The following RGPD1 variants were observed in gnomAD, a reference collection of about 807,000 sequenced individuals.
The protein encoded by RGPD1 is RANBP2-like and GRIP domain-containing protein 1.
RGPD1 carries 7 observed loss-of-function variants against 40.6 expected under a neutral mutation model. The observed-to-expected ratio is 0.17, with a 90% CI of 0.10 to 0.32. The LOEUF is 0.32. RGPD1 is among the 10% of genes least tolerant of loss of function. The pLI, the probability that RGPD1 is intolerant of heterozygous loss-of-function variation, is 1.00. For synonymous variants in RGPD1, 24 were observed against 167.0 expected, an observed-to-expected ratio of 0.14 and a Z score of 6.60; for missense variants, 50 against 472.5, an observed-to-expected ratio of 0.11 and a Z score of 8.29.
At chr2:87,000,124 TC>T (rs1167144535) in intron 22 of RGPD1, among the ~76,000 whole-genome samples, 1 of 115,668 alleles carries the variant, frequency 8.6e-6, no homozygotes, top group Non-Finnish European at 1.7e-5. Context: ...AAAGAAGAAA[TC>T]TACTTCTAGT....
intron 1 of RGPD1, chr2:86,930,788 T>C: frequency 8.9e-7 from 1 of 1,121,774 alleles, no homozygotes; most frequent in Non-Finnish European, 1.2e-6. Context: ...GACCACAGCC[T>C]CCTCTACCGC....
At chr2:86,918,366 G>GA (rs886179696) in intron 1 of RGPD1, among the ~76,000 whole-genome samples, 6 of 142,356 alleles carry the variant, frequency 4.2e-5, no homozygotes, top group South Asian at 2.3e-4. Flanking sequence ...GGGTCACTCT[G>GA]AAAAAAAATC....
chr2:86,923,538 G>T (rs1479221259), intron 1 of RGPD1, among the ~76,000 whole-genome samples: 1 of 150,616 alleles, frequency 6.6e-6, no homozygotes, highest in African/African-American at 2.4e-5. Flanking sequence ...TTTTGAGACG[G>T]AGTCTCGCCT....
intron 1 of RGPD1, among the ~76,000 whole-genome samples, chr2:86,944,014 AAAAC>A (rs1485836618): frequency 2.0e-5 from 3 of 151,792 alleles, no homozygotes; most frequent in South Asian, 2.1e-4. Flanking sequence ...ACTCCAAAAA[AAAAC>A]AAAAAAAAAC....
In RGPD1 at chr2:86,964,165, C is replaced by T. The variant is rs1395381747; in HGVS notation, c.975+941C>T. Among the ~76,000 whole-genome samples, 2 of 108,016 alleles carry T rather than the reference C, an allele frequency of 1.9e-5. 1 individual carries two copies. Among genetic ancestry groups the T allele is most frequent in the Non-Finnish European group, 3.7e-5 (2 of 54,300 alleles). 70.9% of individuals were successfully genotyped at this position (108,016 alleles called of 152,430 possible). A position where few individuals can be genotyped will look rare whatever the true frequency, so the allele number is the denominator to read the frequency against. On this transcript the variant is annotated intron_variant, in intron 7 of 22. Transcript: ENST00000641458. ...TCACACCATTTTCCTGCCTCAGCCT[C>T]CCGAGTAGCTGGAACTACAAGCGCC...
chr2:86,931,521 G>A (rs940625651), intron 1 of RGPD1, among the ~76,000 whole-genome samples: 68 of 151,776 alleles, frequency 4.5e-4, no homozygotes, highest in Admixed American at 4.6e-4. Flanking sequence ...GTCATTAAGT[G>A]ACTAACAATA....
chr2:86,960,658 C>G (rs1484399801), intron 6 of RGPD1, among the ~76,000 whole-genome samples: 4 of 120,744 alleles, frequency 3.3e-5, no homozygotes, highest in Non-Finnish European at 6.5e-5. Context: ...GGTGCCATCT[C>G]GGCTCACTGC....
rs546861165 is a variant in RGPD1 at position 86,945,160 on chromosome 2, G to A, written c.72+2852G>A. On this transcript the variant is annotated intron_variant, in intron 1 of 22. Transcript: ENST00000641458. ...TAGAATGTTCTTTCAACTACATAAC[G>A]TCTCCATTAAATAAAGTGGAGTGGT... is the stretch of plus-strand genomic sequence containing the variant. Among the ~76,000 whole-genome samples the A allele has an allele frequency of 2.0e-4, 30 of 151,954 alleles. No homozygotes were observed. The South Asian group carries it at 5.4e-3, about 27-fold the overall frequency.
intron 1 of RGPD1, among the ~76,000 whole-genome samples, chr2:86,929,227 A>G (rs1678723726): frequency 6.9e-6 from 1 of 145,622 alleles, no homozygotes; most frequent in African/African-American, 2.6e-5. Flanking sequence ...TAGACATTTT[A>G]GGTTTATGAC....
At chr2:86,943,586 C>A (rs925429730) in intron 1 of RGPD1, among the ~76,000 whole-genome samples, 2 of 152,110 alleles carry the variant, frequency 1.3e-5, no homozygotes, top group Admixed American at 1.3e-4. Flanking sequence ...GGGCCAGTTA[C>A]ACTTTTCATC....
At chr2:86,943,992 C>T (rs1231047618) in intron 1 of RGPD1, among the ~76,000 whole-genome samples, 2 of 150,454 alleles carry the variant, frequency 1.3e-5, no homozygotes, top group Non-Finnish European at 1.5e-5. Context: ...CCAGCCTGGG[C>T]GACAGAGGGA....
chr2:86,935,697 TA>T (rs1339919495), intron 1 of RGPD1, among the ~76,000 whole-genome samples: 1 of 125,714 alleles, frequency 8.0e-6, no homozygotes, highest in East Asian at 2.6e-4. Context: ...CTAGCTTAGA[TA>T]CCCAAGAGAG....
At chr2:87,007,667 C>T (rs1329583654) in intron 22 of RGPD1, among the ~76,000 whole-genome samples, 2 of 152,300 alleles carry the variant, frequency 1.3e-5, no homozygotes, top group African/African-American at 4.8e-5. Context: ...TGAGCCACCA[C>T]TCACAGCTCG....
intron 1 of RGPD1, among the ~76,000 whole-genome samples, chr2:86,924,447 G>T (rs2104679252): frequency 6.6e-6 from 1 of 150,552 alleles, no homozygotes; most frequent in South Asian, 2.1e-4. Flanking sequence ...GAGCCACCAT[G>T]CCCGGCCCGT....
chr2:86,942,348 C>CG (rs1679867286), intron 1 of RGPD1, 40 bp downstream of exon 1: 1 of 838,762 alleles, frequency 1.2e-6, no homozygotes, highest in Non-Finnish European at 1.5e-6. Flanking sequence ...TCGACCTGGC[C>CG]GGGCGGCGGC....
chr2:87,009,060 A>G (rs1397695529), intron 22 of RGPD1, among the ~76,000 whole-genome samples: 1 of 148,840 alleles, frequency 6.7e-6, no homozygotes, highest in Non-Finnish European at 1.5e-5. Flanking sequence ...AATGCCAGCA[A>G]TTTGGGAGGC....
intron 1 of RGPD1, among the ~76,000 whole-genome samples, chr2:86,914,940 G>A (rs1677719611): frequency 7.2e-6 from 1 of 138,744 alleles, no homozygotes; most frequent in Non-Finnish European, 1.6e-5. Context: ...GCCGGGCGGC[G>A]GCGGCGGCGG....
At chr2:86,915,332 ATAACTTT>A (rs1677742882) in intron 1 of RGPD1, among the ~76,000 whole-genome samples, 2 of 150,644 alleles carry the variant, frequency 1.3e-5, no homozygotes, top group African/African-American at 2.4e-5. Context: ...GTAGACAAGA[ATAACTTT>A]TTCATTTTAG....
chr2:86,942,560 C>CCTGGCCGGGCGGCGGCG (rs1341486811), intron 1 of RGPD1, among the ~76,000 whole-genome samples: 1 of 129,538 alleles, frequency 7.7e-6, no homozygotes, highest in Non-Finnish European at 1.7e-5. Flanking sequence ...GCGGCCTCGA[C>CCTGGCCGGGCGGCGGCG]GTGGCCCGGC....
Sources: gnomAD v4.1 joint callset for allele counts (sites outside exome capture counted in the v4.1 genomes callset) on GRCh38, gnomAD v4.1.1 for gene constraint, MANE v1.5 for transcripts, NCBI Gene and HGNC (gene_info 2026-07-23, HGNC 2026-07-21) for gene names.